Variants in ARCN1 observed in about 807,000 individuals in gnomAD.
The protein encoded by ARCN1 is archain 1 coat protein complex I subunit delta.
ARCN1 carries 5 observed loss-of-function variants against 60.4 expected under a neutral mutation model. That is an observed-to-expected ratio of 0.08 (90% CI 0.04 to 0.17). ARCN1 has a LOEUF of 0.17. Ranked by LOEUF, ARCN1 falls within the 10% of genes least tolerant of loss-of-function variation. The pLI is 1.00. For synonymous variants in ARCN1, 224 were observed against 220.0 expected (o/e 1.02, Z -0.16); for missense variants, 464 against 626.5 (o/e 0.74, Z 2.77).
chr11:118,589,820 A>C (rs1555075985), intron 5 of ARCN1, among the ~76,000 whole-genome samples: 1 of 152,198 alleles, frequency 6.6e-6, no homozygotes, highest in Non-Finnish European at 1.5e-5. Flanking sequence ...ATTGTTTTGC[A>C]CAGGTGAGAA....
At position 118,583,349 on chromosome 11, in the gene ARCN1, C is replaced by T. The variant is rs556971767; in HGVS notation, c.438C>T (p.Ala146=). 284 of 1,609,966 alleles carry T rather than the reference C, an allele frequency of 1.8e-4. 1 individual carries two copies. In the South Asian group the frequency reaches 2.7e-3, roughly 15 times the overall value. Residue 146 remains alanine, a synonymous_variant, in exon 3 of 10, where the codon GCC becomes GCT. Transcript: ENST00000264028. ...MDSHEEKVFR[A]VRETQEREAK... ...CTCATGAGGAGAAGGTGTTCAGAGCCGTCAGAGAGGTAAATAGGATCTTCT... is the reference window on the plus strand; with the variant it reads ...CTCATGAGGAGAAGGTGTTCAGAGCTGTCAGAGAGGTAAATAGGATCTTCT...
intron 1 of ARCN1, among the ~76,000 whole-genome samples, chr11:118,577,562 A>G (rs955638462): frequency 1.8e-4 from 27 of 152,130 alleles, no homozygotes; most frequent in African/African-American, 6.3e-4. Flanking sequence ...TGTTTCTTCT[A>G]TCAAGTCATC....
chr11:118,576,705 T>C (rs1555073715), intron 1 of ARCN1, among the ~76,000 whole-genome samples: 1 of 152,200 alleles, frequency 6.6e-6, no homozygotes, highest in Non-Finnish European at 1.5e-5. Flanking sequence ...CAGAGAGACC[T>C]GTGTCAACTG....
intron 6 of ARCN1, among the ~76,000 whole-genome samples, chr11:118,590,924 T>A (rs1938892969): frequency 6.6e-6 from 1 of 152,204 alleles, no homozygotes; most frequent in Admixed American, 6.5e-5. Flanking sequence ...AGGCTGAGGC[T>A]GAAGGATCGC....
At chr11:118,584,410 A>G (rs1555075157) in intron 4 of ARCN1, 70 bp from the exon 5 acceptor site, 1 of 1,446,206 alleles carries the variant, frequency 6.9e-7, no homozygotes, top group Non-Finnish European at 9.2e-7. Context: ...GAGATACAAA[A>G]TTTTCATCAG....
chr11:118,582,579 T>A (rs1208971413), intron 2 of ARCN1, among the ~76,000 whole-genome samples: 1 of 148,194 alleles, frequency 6.7e-6, no homozygotes, highest in Non-Finnish European at 1.5e-5. Flanking sequence ...ACAAAAAAAT[T>A]AGCTGGGCAT....
rs1938365103 is a variant in ARCN1, at chr11:118,572,469, C to G, written c.-79C>G. The stretch of plus-strand genomic sequence containing the variant: ...CAAGGGGGCAGCAGGTCCAGAGCTG[C>G]TGGTGCTCCCGTTCCCCAGACCCTA... On this transcript the variant is annotated 5_prime_UTR_variant, in exon 1 of 10. Transcript: ENST00000264028. 2 of 1,527,440 alleles carry G rather than the reference C, an allele frequency of 1.3e-6. No individual in the cohort carries two copies. Among genetic ancestry groups the G allele is most frequent in the Admixed American group, 1.8e-5 (1 of 56,326 alleles). 94.6% of individuals were successfully genotyped at this position (1,527,440 alleles called of 1,614,324 possible). A position where few individuals can be genotyped will look rare whatever the true frequency, so the allele number is the denominator to read the frequency against.
At chr11:118,585,666 A>G (rs1555075383) in intron 5 of ARCN1, among the ~76,000 whole-genome samples, 1 of 151,962 alleles carries the variant, frequency 6.6e-6, no homozygotes, top group Admixed American at 6.6e-5. Flanking sequence ...CAGCCTCCCA[A>G]GTAGCTGGGA....
intron 1 of ARCN1, among the ~76,000 whole-genome samples, chr11:118,577,810 C>G (rs1299899053): frequency 6.6e-6 from 1 of 152,014 alleles, no homozygotes; most frequent in Admixed American, 6.6e-5. Context: ...CTTATAATAT[C>G]GCAAAAATGG....
chr11:118,583,933 T>C lies in ARCN1; in HGVS notation c.572T>C (p.Val191Ala), dbSNP rs1292393618. 1 of 1,614,088 alleles carries C rather than the reference T, an allele frequency of 6.2e-7. No individual in the cohort carries two copies. The highest frequency in any genetic ancestry group is 1.3e-5 in the African/African-American group (1 of 74,944). The change falls in exon 4 of 10, where the codon GTA becomes GCA. Residue 191 changes from valine (V) to alanine (A), a missense_variant. Val to Ala is a moderately conservative substitution (Grantham distance 64, BLOSUM62 0). Coordinates refer to ENST00000264028, the MANE Select transcript of ARCN1 (RefSeq NM_001655.5). ...TTTGGCGGATTTGGCAGCTCTGCAG[T>C]ATCTGGAGGCAGCACAGCTGCCATG... ...PGFGGFGSSA[V>A]SGGSTAAMIT...
At position 118,590,463 on chromosome 11, in the gene ARCN1, G is replaced by A. The variant is rs782487231; in HGVS notation, c.941G>A (p.Arg314His). ...RISDDKYGRI[R>H]LHVENEDKKG... ...TCAGATGACAAGTATGGCCGAATTC[G>A]TCTTCATGTGGAAAATGAAGATAAG... The change falls in exon 6 of 10, where the codon CGT (arginine) becomes CAT (histidine). Residue 314 changes from arginine (R) to histidine (H), a missense_variant. Coordinates refer to ENST00000264028, the MANE Select transcript of ARCN1 (RefSeq NM_001655.5). 5.1e-5 allele frequency: 83 copies of A among 1,614,068 alleles called. No homozygotes were observed. Among genetic ancestry groups the A allele is most frequent in the Middle Eastern group, 1.6e-4 (1 of 6,084 alleles).
intron 1 of ARCN1, 81 bp downstream of exon 1, chr11:118,572,631 G>T (rs1938373188): frequency 1.3e-6 from 2 of 1,544,640 alleles, no homozygotes; most frequent in Non-Finnish European, 1.8e-6. Flanking sequence ...GGCAGGGGCC[G>T]GAGGAGCCCC....
chr11:118,575,031 TGCAGTG>T (rs1555073223), intron 1 of ARCN1, among the ~76,000 whole-genome samples: 1 of 152,112 alleles, frequency 6.6e-6, no homozygotes, highest in African/African-American at 2.4e-5. Flanking sequence ...CAGGCTGGAG[TGCAGTG>T]GCACAATCTC....
At chr11:118,587,476 T>G (rs1938804350) in intron 5 of ARCN1, among the ~76,000 whole-genome samples, 1 of 152,200 alleles carries the variant, frequency 6.6e-6, no homozygotes, top group African/African-American at 2.4e-5. Flanking sequence ...TCTCCTTATT[T>G]GAAACTGCAG....
intron 1 of ARCN1, among the ~76,000 whole-genome samples, chr11:118,580,838 T>C (rs1424590265): frequency 6.6e-6 from 1 of 152,100 alleles, no homozygotes; most frequent in Non-Finnish European, 1.5e-5. Flanking sequence ...AGTATTCTAT[T>C]ACTTGTCATG....
rs1161304214 is a variant in ARCN1 at position 118,581,933 on chromosome 11, G to GACACACACACACAC, written c.267+427_267+428insCACACACACACACA. Among the ~76,000 whole-genome samples, 132 of 132,220 alleles carry GACACACACACACAC rather than the reference G, an allele frequency of 1.0e-3. 1 individual carries two copies. The highest frequency in any genetic ancestry group is 3.6e-3 in the African/African-American group (118 of 32,494). The allele number at this position is 132,220 out of a possible 152,430, so 86.7% of individuals were successfully genotyped here. On this transcript the variant is annotated intron_variant, in intron 2 of 9. Coordinates refer to ENST00000264028, the MANE Select transcript of ARCN1 (RefSeq NM_001655.5). ...TTACTGATCCAGAGACAGACAGACA[G>GACACACACACACAC]ACAGACACACACACACACACACACA...
intron 1 of ARCN1, chr11:118,573,695 C>A: frequency 1.4e-6 from 1 of 702,210 alleles, no homozygotes; most frequent in Non-Finnish European, 2.6e-6. Context: ...CTAATAAGTT[C>A]TATTGACAAC....
chr11:118,592,896 T>A (rs1565364919), intron 7 of ARCN1, 40 bp downstream of exon 7: 5 of 1,575,568 alleles, frequency 3.2e-6, no homozygotes, highest in Non-Finnish European at 3.5e-6. Flanking sequence ...TAGTTTGCAT[T>A]GAGAACTAGA....
intron 2 of ARCN1, among the ~76,000 whole-genome samples, chr11:118,581,929 G>GACACACACACACACACAC (rs1179195532): frequency 0.019 from 2,452 of 132,240 alleles, 59 homozygotes; most frequent in East Asian, 0.06. Flanking sequence ...GAGACAGACA[G>GACACACACACACACACAC]ACAGACAGAC....
Sources: gnomAD v4.1 joint callset for allele counts (sites outside exome capture counted in the v4.1 genomes callset) on GRCh38, gnomAD v4.1.1 for gene constraint, MANE v1.5 for transcripts, NCBI Gene and HGNC (gene_info 2026-07-23, HGNC 2026-07-21) for gene names.